UBN2: variants seen among roughly 807,000 people sequenced by gnomAD.
UBN2 encodes ubinuclein 2, also known as ubinuclein-2.
In UBN2, 35 loss-of-function variants were observed where a neutral mutation model predicts 120.2. The observed-to-expected ratio is 0.29, with a 90% CI of 0.22 to 0.39. UBN2 has a LOEUF of 0.39. Ranked by LOEUF, UBN2 falls within the 10% of genes least tolerant of loss-of-function variation. The pLI is 1.00. For missense variants in UBN2, 1,693 were observed against 1,663.2 expected (o/e 1.02, Z -0.31); for synonymous variants, 661 against 648.7 (o/e 1.02, Z -0.29).
intron 3 of UBN2, among the ~76,000 whole-genome samples, chr7:139,254,922 T>C (rs1053952915): frequency 1.3e-5 from 2 of 152,176 alleles, no homozygotes; most frequent in Non-Finnish European, 2.9e-5. Context: ...TTTGTTAGAG[T>C]TGATGAGCCC....
intron 2 of UBN2, among the ~76,000 whole-genome samples, chr7:139,242,496 C>G (rs1796347995): frequency 6.6e-6 from 1 of 152,078 alleles, no homozygotes; most frequent in African/African-American, 2.4e-5. Context: ...TTTTGTAGAC[C>G]AATAATAGTA....
Position 139,303,985 on chromosome 7 carries a change from T to C in UBN2, c.*6149T>C, listed in dbSNP as rs1798314876. 1 of 152,224 alleles carries C rather than the reference T, an allele frequency of 6.6e-6. No homozygotes were observed. Among genetic ancestry groups the C allele is most frequent in the South Asian group, 2.1e-4 (1 of 4,828 alleles). The allele number at this position is 152,224 out of a possible 1,614,324, so 9.4% of individuals were successfully genotyped here. On this transcript the variant is annotated 3_prime_UTR_variant, in exon 18 of 18. Transcript: ENST00000473989. ...GGTTATTGGAGTTGATAAATGATCC[T>C]GGAAGTTTTAACTGTCTCACTTTTC...
At chr7:139,266,432 C>T in intron 7 of UBN2, 29 bp downstream of exon 7, 4 of 1,284,076 alleles carry the variant, frequency 3.1e-6, no homozygotes, top group Non-Finnish European at 2.2e-6. Flanking sequence ...AAAAAAAAAC[C>T]TTAAGAATGA....
At position 139,283,634 on chromosome 7, in the gene UBN2, A is replaced by T; in HGVS notation, c.2729A>T (p.His910Leu). The change falls in exon 15 of 18, where the codon CAT becomes CTT. Residue 910 changes from histidine to leucine, a missense_variant. Coordinates refer to ENST00000473989, the MANE Select transcript of UBN2 (RefSeq NM_173569.4). ...SSQAQIAASS[H>L]ALGTSEAQDA... ...CAAGCCCAAATTGCTGCCTCTTCTC[A>T]TGCTCTGGGAACATCCGAGGCCCAA... is the stretch of plus-strand genomic sequence containing the variant. 6.2e-7 allele frequency: 1 copy of T among 1,614,128 alleles called. No homozygotes were observed. The highest frequency in any genetic ancestry group is 8.5e-7 in the Non-Finnish European group (1 of 1,180,020).
At chr7:139,288,939 T>C (rs1585027684) in intron 15 of UBN2, among the ~76,000 whole-genome samples, 1 of 149,720 alleles carries the variant, frequency 6.7e-6, no homozygotes, top group South Asian at 2.1e-4. Flanking sequence ...GAGTTGGAGG[T>C]TGCAGTGAGC....
Position 139,247,245 on chromosome 7 carries a change from C to T in UBN2, c.562-4711C>T, listed in dbSNP as rs981367685. Among the ~76,000 whole-genome samples, 4 of 151,954 alleles carry T rather than the reference C, an allele frequency of 2.6e-5. No homozygotes were observed. In the East Asian group the frequency reaches 7.7e-4, roughly 29 times the overall value. ...CTAGTGATGAATCAGAGAACAATTG[C>T]TCCATGTCCATGTTAGCATTTGATG... is the stretch of plus-strand genomic sequence containing the variant. On this transcript the variant is annotated intron_variant, in intron 2 of 17. Coordinates refer to ENST00000473989, the MANE Select transcript of UBN2 (RefSeq NM_173569.4).
chr7:139,296,756 T>A (rs1289439595), intron 17 of UBN2, among the ~76,000 whole-genome samples: 1 of 152,100 alleles, frequency 6.6e-6, no homozygotes, highest in African/African-American at 2.4e-5. Context: ...GCTGGTGTGG[T>A]GGCACACACC....
intron 3 of UBN2, among the ~76,000 whole-genome samples, chr7:139,255,137 A>G (rs762923911): frequency 1.3e-5 from 2 of 152,122 alleles, no homozygotes; most frequent in Admixed American, 6.6e-5. Context: ...ACTGGCACCT[A>G]CTGGTCTTAA....
At position 139,283,767 on chromosome 7, in the gene UBN2, C is replaced by A; in HGVS notation, c.2862C>A (p.Pro954=). 1 of 1,613,816 alleles carries A rather than the reference C, an allele frequency of 6.2e-7. No homozygotes were observed. Among genetic ancestry groups the A allele is most frequent in the Non-Finnish European group, 8.5e-7 (1 of 1,180,032 alleles). Residue 954 remains proline (P), a synonymous_variant, in exon 15 of 18, where the codon CCC becomes CCA. Coordinates refer to ENST00000473989, the MANE Select transcript of UBN2 (RefSeq NM_173569.4). ...CCATCAGTAAATCCCAGACCAACCC[C>A]GTCGTGAAGTTAAGTAATAATCCCC... is the stretch of plus-strand genomic sequence containing the variant. ...QATISKSQTN[P]VVKLSNNPQL... is the part of the protein sequence containing the mutation.
chr7:139,235,730 G>T lies in UBN2; in HGVS notation c.469-1275G>T, dbSNP rs1796147601. On this transcript the variant is annotated intron_variant, in intron 1 of 17. Transcript: ENST00000473989. Reference sequence around the variant, plus strand: ...CCTTTCATTGGTAGCTTCTGTTGGGGTGAACTATTCTATAAATTTATTACT... The same window carrying T: ...CCTTTCATTGGTAGCTTCTGTTGGGTTGAACTATTCTATAAATTTATTACT... Among the ~76,000 whole-genome samples the T allele has an allele frequency of 2.6e-5, 4 of 152,114 alleles. No homozygotes were observed. In the South Asian group the frequency reaches 8.3e-4, roughly 32 times the overall value.
In UBN2 at chr7:139,279,355, G is replaced by C. The variant is rs570198913; in HGVS notation, c.2062G>C (p.Val688Leu). The C allele has an allele frequency of 1.7e-5, 27 of 1,604,680 alleles. No individual in the cohort carries two copies. The South Asian group carries it at 3.0e-4, about 18-fold the overall frequency. The change falls in exon 13 of 18, where the codon GTA (valine) becomes CTA (leucine). Residue 688 changes from valine (V) to leucine (L), a missense_variant. Physicochemically the swap from Val to Leu is conservative, Grantham distance 32 (BLOSUM62 1). Coordinates refer to ENST00000473989, the MANE Select transcript of UBN2 (RefSeq NM_173569.4). ...KKVIPAPKPK[V>L]KEVMVKTLPL... ...GGTGATTCCTGCACCTAAACCCAAA[G>C]TAAAGGTAAGTACTGAAACAAAATA...
intron 11 of UBN2, 21 bp from the exon 12 acceptor site, chr7:139,276,076 G>A: frequency 6.3e-7 from 1 of 1,593,964 alleles, no homozygotes; most frequent in Non-Finnish European, 8.6e-7. Context: ...AATAATAATT[G>A]TGTTCTTTAA....
chr7:139,264,378 G>A (rs933680942), intron 6 of UBN2, among the ~76,000 whole-genome samples: 15 of 152,146 alleles, frequency 9.9e-5, no homozygotes, highest in East Asian at 3.9e-4. Flanking sequence ...TCTGGTCAGC[G>A]ATCCTCATGG....
intron 12 of UBN2, chr7:139,277,839 A>G (rs1797489662): frequency 6.6e-6 from 1 of 152,220 alleles, no homozygotes; most frequent in South Asian, 2.1e-4. Context: ...TGAACCCTAC[A>G]TAGACTATTT....
At chr7:139,320,232 C>T in the UBN2 span, among the ~76,000 whole-genome samples, 1 of 151,848 alleles carries the variant, frequency 6.6e-6, no homozygotes, top group African/African-American at 2.4e-5. Context: ...GAGACCAAGG[C>T]GGGCGGATCA....
intron 2 of UBN2, among the ~76,000 whole-genome samples, chr7:139,241,845 A>G (rs1229512906): frequency 1.3e-5 from 2 of 152,162 alleles, no homozygotes; most frequent in South Asian, 2.1e-4. Context: ...TAAAAATACA[A>G]AAATTAGCTG....
At chr7:139,310,430 A>G (rs978772035), downstream of UBN2, among the ~76,000 whole-genome samples, 3 of 152,188 alleles carry the variant, frequency 2.0e-5, no homozygotes, top group Admixed American at 6.5e-5. Flanking sequence ...CCACCTATCA[A>G]TTTCTCCAGT....
At chr7:139,288,205 G>A (rs115665950) in intron 15 of UBN2, among the ~76,000 whole-genome samples, 171 of 152,280 alleles carry the variant, frequency 1.1e-3, no homozygotes, top group African/African-American at 4.1e-3. Flanking sequence ...CACACATATA[G>A]TCTAGGTAGG....
In UBN2 at chr7:139,252,050, C is replaced by G; in HGVS notation, c.656C>G (p.Ser219Ter). 6.2e-7 allele frequency: 1 copy of G among 1,613,496 alleles called. No individual in the cohort carries two copies. Among genetic ancestry groups the G allele is most frequent in the Non-Finnish European group, 8.5e-7 (1 of 1,179,446 alleles). Residue 219 changes from serine to a stop codon, truncating the protein, a stop_gained, in exon 3 of 18, where the codon TCA becomes TGA. Coordinates refer to ENST00000473989, the MANE Select transcript of UBN2 (RefSeq NM_173569.4). LOFTEE classifies it high-confidence loss of function. ...GAGACAGATCCATTTATTGATAACT[C>G]AGAGGCTGTGAGTAATGTATCTTTA... ...YDETDPFIDN[S>*]EAYDELVPAS...
Sources: gnomAD v4.1 joint callset for allele counts (sites outside exome capture counted in the v4.1 genomes callset) on GRCh38, gnomAD v4.1.1 for gene constraint, MANE v1.5 for transcripts, NCBI Gene and HGNC (gene_info 2026-07-23, HGNC 2026-07-21) for gene names.